Variants in ADAMTS17 observed in about 807,000 individuals in gnomAD.
The protein encoded by ADAMTS17 is ADAM metallopeptidase with thrombospondin type 1 motif 17, also known as A disintegrin and metalloproteinase with thrombospondin motifs 17.
In ADAMTS17, 113 loss-of-function variants were observed where a neutral mutation model predicts 141.5. The ratio of observed to expected loss-of-function variants is 0.80; its 90% CI spans 0.69 to 0.93. ADAMTS17 has a LOEUF of 0.93. Ranked by LOEUF, ADAMTS17 falls within the 40% of genes least tolerant of loss-of-function variation. The pLI, the probability that ADAMTS17 is intolerant of heterozygous loss-of-function variation, is 0.00. For missense variants in ADAMTS17, 1,659 were observed against 1,517.9 expected (o/e 1.09, Z -1.54); for synonymous variants, 768 against 630.6 (o/e 1.22, Z -3.27).
intron 15 of ADAMTS17, among the ~76,000 whole-genome samples, chr15:100,083,303 G>T (rs1212075256): frequency 6.6e-6 from 1 of 152,162 alleles, no homozygotes; most frequent in Non-Finnish European, 1.5e-5. Context: ...GCAAGCAGCA[G>T]GGGCTGGAAG....
intron 7 of ADAMTS17, among the ~76,000 whole-genome samples, chr15:100,230,435 G>C (rs1250177374): frequency 6.6e-6 from 1 of 152,202 alleles, no homozygotes; most frequent in African/African-American, 2.4e-5. Flanking sequence ...AGACACACGA[G>C]CTAATTCCAA....
chr15:100,143,396 C>T (rs143236672), intron 10 of ADAMTS17, among the ~76,000 whole-genome samples: 9 of 152,078 alleles, frequency 5.9e-5, no homozygotes, highest in Non-Finnish European at 1.2e-4. Flanking sequence ...ACAGGAGAAA[C>T]TTGTAATCAT....
At chr15:100,119,429 G>C (rs1281557309) in intron 12 of ADAMTS17, among the ~76,000 whole-genome samples, 1 of 152,206 alleles carries the variant, frequency 6.6e-6, no homozygotes. Context: ...GTTCGTAGAA[G>C]AATAAAGAAA....
intron 3 of ADAMTS17, among the ~76,000 whole-genome samples, chr15:100,303,356 C>T (rs929323194): frequency 6.6e-6 from 1 of 151,448 alleles, no homozygotes; most frequent in African/African-American, 2.4e-5. Context: ...ATTTTAAATA[C>T]AAGTCTCTTA....
chr15:100,137,700 T>C (rs1222857664), intron 10 of ADAMTS17, among the ~76,000 whole-genome samples: 2 of 152,178 alleles, frequency 1.3e-5, no homozygotes, highest in Non-Finnish European at 2.9e-5. Flanking sequence ...ACAAAACCCA[T>C]ACCCAGCTGT....
intron 8 of ADAMTS17, among the ~76,000 whole-genome samples, chr15:100,182,989 T>C (rs985305526): frequency 6.6e-6 from 1 of 151,880 alleles, no homozygotes; most frequent in African/African-American, 2.4e-5. Context: ...GGGATTCTTT[T>C]TCTTTTTCTT....
rs573405891 is a variant in ADAMTS17, at chr15:99,992,564, G to T, written c.2949+484C>A. On this transcript the variant is annotated intron_variant, in intron 20 of 21. Coordinates refer to ENST00000268070, the MANE Select transcript of ADAMTS17 (RefSeq NM_139057.4). ...CCTTTATTCACCCTTGCTCTCGGGA[G>T]TGCTGACCCGGCGGTTCTGTGATAC... Among the ~76,000 whole-genome samples, 6 of 152,334 alleles carry T rather than the reference G, an allele frequency of 3.9e-5. No individual in the cohort carries two copies. The East Asian group carries it at 1.2e-3, about 29-fold the overall frequency.
chr15:100,170,549 T>C (rs990757092), intron 8 of ADAMTS17, among the ~76,000 whole-genome samples: 2 of 152,224 alleles, frequency 1.3e-5, no homozygotes, highest in Non-Finnish European at 2.9e-5. Flanking sequence ...TGAAAGTCCC[T>C]TCGCGGATTT....
intron 15 of ADAMTS17, among the ~76,000 whole-genome samples, chr15:100,076,578 T>C (rs560716709): frequency 3.9e-5 from 6 of 152,348 alleles, no homozygotes; most frequent in African/African-American, 1.4e-4. Flanking sequence ...TACTGACTGC[T>C]TGCAGTAGGT....
intron 8 of ADAMTS17, among the ~76,000 whole-genome samples, chr15:100,166,375 T>TTATA (rs61263492): frequency 0.021 from 3,178 of 152,302 alleles, 129 homozygotes; most frequent in East Asian, 0.17. Flanking sequence ...TTTTCTATAT[T>TTATA]CCTTATTTCT....
intron 15 of ADAMTS17, among the ~76,000 whole-genome samples, chr15:100,080,129 CT>C (rs34425806): frequency 0.16 from 23,693 of 152,146 alleles, 3,575 homozygotes; most frequent in African/African-American, 0.4. Flanking sequence ...ACCATCACCC[CT>C]AGTGATCCCC....
At chr15:100,098,227 C>T (rs947950558) in intron 14 of ADAMTS17, among the ~76,000 whole-genome samples, 2 of 151,770 alleles carry the variant, frequency 1.3e-5, no homozygotes, top group African/African-American at 4.8e-5. Flanking sequence ...CCGGGGCTGA[C>T]CATCCAGTAG....
intron 12 of ADAMTS17, among the ~76,000 whole-genome samples, chr15:100,129,922 C>T (rs1379782145): frequency 6.6e-6 from 1 of 152,216 alleles, no homozygotes; most frequent in Non-Finnish European, 1.5e-5. Context: ...AATGCCATGA[C>T]TCCAAACCCA....
intron 3 of ADAMTS17, among the ~76,000 whole-genome samples, chr15:100,295,748 T>C (rs1370906423): frequency 5.3e-5 from 8 of 152,204 alleles, no homozygotes; most frequent in Admixed American, 5.2e-4. Context: ...TAAATCCCTC[T>C]GTTAGAAATA....
intron 16 of ADAMTS17, 88 bp from the exon 17 acceptor site, chr15:100,051,819 C>T: frequency 6.5e-7 from 1 of 1,549,928 alleles, no homozygotes; most frequent in Non-Finnish European, 8.9e-7. Flanking sequence ...CACACTGCGG[C>T]TGTTTCTTTA....
intron 6 of ADAMTS17, among the ~76,000 whole-genome samples, chr15:100,259,589 A>C (rs972346208): frequency 1.3e-5 from 2 of 152,222 alleles, no homozygotes; most frequent in Non-Finnish European, 2.9e-5. Context: ...AGACGATCAG[A>C]ATTATTAGAC....
intron 3 of ADAMTS17, among the ~76,000 whole-genome samples, chr15:100,281,879 A>C (rs2044296865): frequency 6.6e-6 from 1 of 152,208 alleles, no homozygotes; most frequent in South Asian, 2.1e-4. Flanking sequence ...AGGAATCAGG[A>C]GCCATAAATG....
chr15:100,001,988 C>CAAA (rs879343287), intron 18 of ADAMTS17, among the ~76,000 whole-genome samples: 9 of 39,118 alleles, frequency 2.3e-4, no homozygotes, highest in Non-Finnish European at 2.6e-4. Flanking sequence ...AAAAAAAGGC[C>CAAA]AAACCCAAAA....
chr15:100,011,171 G>T (rs956643505), intron 18 of ADAMTS17, among the ~76,000 whole-genome samples: 3 of 149,392 alleles, frequency 2.0e-5, no homozygotes, highest in Non-Finnish European at 3.0e-5. Context: ...GAATCGAGAT[G>T]GGTGATCAGC....
Sources: allele counts gnomAD v4.1 joint callset (sites outside exome capture counted in the v4.1 genomes callset), GRCh38; gene constraint gnomAD v4.1.1; transcripts MANE v1.5; gene names NCBI Gene and HGNC (gene_info 2026-07-23, HGNC 2026-07-21).